DEPTOR: variants seen among roughly 807,000 people sequenced by gnomAD.
The protein encoded by DEPTOR is DEP domain containing MTOR interacting protein, also known as DEP domain-containing mTOR-interacting protein.
DEPTOR carries 41 observed loss-of-function variants against 41.6 expected under a neutral mutation model. The ratio of observed to expected loss-of-function variants is 0.98; its 90% CI spans 0.77 to 1.28. The LOEUF (loss-of-function observed/expected upper bound fraction) is 1.28. Among genes scored for constraint, DEPTOR ranks in the 50% most tolerant of loss-of-function variants. The pLI, the probability that DEPTOR is intolerant of heterozygous loss-of-function variation, is 0.00. For synonymous variants in DEPTOR, 195 were observed against 192.3 expected, an observed-to-expected ratio of 1.01 and a Z score of -0.12; for missense variants, 514 against 527.9, an observed-to-expected ratio of 0.97 and a Z score of 0.26.
At chr8:119,969,964 G>A (rs1241539360) in intron 4 of DEPTOR, 2 of 152,142 alleles carry the variant, frequency 1.3e-5, no homozygotes, top group African/African-American at 4.8e-5. Context: ...GATAAAAGTG[G>A]TTCCCTATTT....
chr8:119,954,854 G>C (rs7838328), intron 3 of DEPTOR, among the ~76,000 whole-genome samples: 8 of 143,358 alleles, frequency 5.6e-5, no homozygotes, highest in Admixed American at 1.4e-4. Context: ...TGGTGTGTGT[G>C]TGTGTGTGTG....
intron 1 of DEPTOR, among the ~76,000 whole-genome samples, chr8:119,918,436 ACCTTTATTTATT>A (rs57612776): frequency 0.5 from 74,840 of 148,348 alleles, 20,133 homozygotes; most frequent in East Asian, 0.91. Context: ...GGCATGGACC[ACCTTTATTTATT>A]TATTTATTTA....
intron 5 of DEPTOR, among the ~76,000 whole-genome samples, 186 bp from the exon 6 acceptor site, chr8:120,002,791 A>AAAAAAATATATATATAT: frequency 6.6e-5 from 4 of 60,670 alleles, no homozygotes; most frequent in African/African-American, 3.0e-4. Flanking sequence ...AAAAAAAAAA[A>AAAAAAATATATATATAT]ATATATATAT....
At chr8:120,032,185 CTTCATTCTAA>C (rs1812900803) in intron 8 of DEPTOR, among the ~76,000 whole-genome samples, 1 of 150,046 alleles carries the variant, frequency 6.7e-6, no homozygotes, top group African/African-American at 2.4e-5. Flanking sequence ...CTTTCCAAAA[CTTCATTCTAA>C]TATGACACTA....
At chr8:119,991,752 T>TA (rs889235565) in intron 4 of DEPTOR, among the ~76,000 whole-genome samples, 32 of 151,704 alleles carry the variant, frequency 2.1e-4, no homozygotes, top group African/African-American at 4.1e-4. Context: ...AGATTTTCTT[T>TA]AAAAAAAAAT....
chr8:119,877,769 A>G (rs1024278733), intron 1 of DEPTOR, among the ~76,000 whole-genome samples: 3 of 152,222 alleles, frequency 2.0e-5, no homozygotes, highest in African/African-American at 7.2e-5. Flanking sequence ...TGGGAATAAT[A>G]TCTTCCCACA....
chr8:120,032,560 A>G lies in DEPTOR; in HGVS notation c.1102-17016A>G, dbSNP rs1037604264. Among the ~76,000 whole-genome samples the G allele has an allele frequency of 3.9e-5, 6 of 152,132 alleles. 1 individual carries two copies. The highest frequency in any genetic ancestry group is 8.8e-5 in the Non-Finnish European group (6 of 68,038). On this transcript the variant is annotated intron_variant, in intron 8 of 8. Coordinates refer to ENST00000286234, the MANE Select transcript of DEPTOR (RefSeq NM_022783.4). The stretch of plus-strand genomic sequence containing the variant: ...TTCCTGAAGGTTCCCGAGTGGGACC[A>G]CAAGTGAAGCTGGTGATGAAGGCTG...
intron 8 of DEPTOR, among the ~76,000 whole-genome samples, chr8:120,044,556 C>T (rs1432796932): frequency 1.3e-5 from 2 of 152,182 alleles, no homozygotes; most frequent in South Asian, 2.1e-4. Flanking sequence ...ACTGGCCAAG[C>T]TTAGGGTCAG....
At chr8:120,042,202 C>T (rs551250480) in intron 8 of DEPTOR, among the ~76,000 whole-genome samples, 13 of 152,112 alleles carry the variant, frequency 8.5e-5, no homozygotes, top group Middle Eastern at 3.4e-3. Context: ...CTAAGGTGGC[C>T]GCCCGCCATT....
intron 8 of DEPTOR, among the ~76,000 whole-genome samples, chr8:120,014,463 A>G (rs1369578693): frequency 6.6e-6 from 1 of 152,144 alleles, no homozygotes; most frequent in Non-Finnish European, 1.5e-5. Flanking sequence ...TCCAGGAGGA[A>G]AAAAATCTGT....
intron 4 of DEPTOR, among the ~76,000 whole-genome samples, chr8:119,983,677 C>T (rs1009484449): frequency 6.6e-6 from 1 of 152,148 alleles, no homozygotes; most frequent in African/African-American, 2.4e-5. Context: ...AGCCACCGTG[C>T]CTGGCCTTCT....
In DEPTOR at chr8:119,908,236, C is replaced by A. The variant is rs942922597; in HGVS notation, c.123-20164C>A. ...GAAGCTCTGTGTCCCCCTTTCTATA[C>A]CTTGCCCTATCCATCTCCATCTGGC... On this transcript the variant is annotated intron_variant, in intron 1 of 8. Coordinates refer to ENST00000286234, the MANE Select transcript of DEPTOR (RefSeq NM_022783.4). Among the ~76,000 whole-genome samples the A allele has an allele frequency of 2.0e-5, 3 of 152,212 alleles. No individual in the cohort carries two copies. The East Asian group carries it at 5.8e-4, about 29-fold the overall frequency.
intron 1 of DEPTOR, among the ~76,000 whole-genome samples, chr8:119,910,915 A>G (rs1199201336): frequency 1.3e-5 from 2 of 152,100 alleles, no homozygotes; most frequent in Admixed American, 6.6e-5. Context: ...GTTTGGGATC[A>G]TTTGTGACTT....
At chr8:119,935,578 AG>A (rs1280712247) in intron 3 of DEPTOR, among the ~76,000 whole-genome samples, 1 of 152,022 alleles carries the variant, frequency 6.6e-6, no homozygotes, top group Non-Finnish European at 1.5e-5. Context: ...AAAATTAGCC[AG>A]GCGTGGTGGC....
intron 3 of DEPTOR, among the ~76,000 whole-genome samples, chr8:119,931,741 C>T (rs531101121): frequency 1.3e-5 from 2 of 152,148 alleles, no homozygotes; most frequent in African/African-American, 2.4e-5. Flanking sequence ...CCATCAGAAC[C>T]TCCATTTGTT....
chr8:119,941,373 C>CAAAAAAAAA (rs749120675), intron 3 of DEPTOR, among the ~76,000 whole-genome samples: 1 of 39,960 alleles, frequency 2.5e-5, no homozygotes, highest in Non-Finnish European at 4.2e-5. Context: ...ATCTCCATCT[C>CAAAAAAAAA]AAAAAAAAAA....
At chr8:120,013,879 C>T (rs1249715417) in intron 8 of DEPTOR, among the ~76,000 whole-genome samples, 2 of 149,226 alleles carry the variant, frequency 1.3e-5, no homozygotes, top group African/African-American at 5.0e-5. Context: ...TCACTCTCGT[C>T]GCCCAGCTGG....
In DEPTOR at chr8:119,888,858, C is replaced by CAAA. The variant is rs34471575; in HGVS notation, c.122+14911_122+14913dup. Among the ~76,000 whole-genome samples, 289 of 63,754 alleles carry CAAA rather than the reference C, an allele frequency of 4.5e-3. 12 individuals carry two copies. The highest frequency in any genetic ancestry group is 0.011 in the African/African-American group (163 of 15,136). 41.8% of individuals were successfully genotyped at this position (63,754 alleles called of 152,430 possible). On this transcript the variant is annotated intron_variant, in intron 1 of 8. Transcript: ENST00000286234. Reference sequence around the variant, plus strand: ...GTGACAGAGCAAGACTCTGTCTCAGCAAAAAAAAAAAAAAAAAAAAAAAGA... The same window carrying CAAA: ...GTGACAGAGCAAGACTCTGTCTCAGCAAAAAAAAAAAAAAAAAAAAAAAAAAGA...
chr8:119,944,160 C>T (rs1200111424), intron 3 of DEPTOR, among the ~76,000 whole-genome samples: 1 of 152,110 alleles, frequency 6.6e-6, no homozygotes. Context: ...TTTTTATTAA[C>T]CCATTTGCAT....
Sources: gnomAD v4.1 joint callset for allele counts (sites outside exome capture counted in the v4.1 genomes callset) on GRCh38, gnomAD v4.1.1 for gene constraint, MANE v1.5 for transcripts, NCBI Gene and HGNC (gene_info 2026-07-23, HGNC 2026-07-21) for gene names.